The following UBE4B variants were observed in gnomAD, a reference collection of about 807,000 sequenced individuals.
UBE4B encodes the protein ubiquitination factor E4B.
Under a neutral mutation model 148.1 loss-of-function variants are expected in UBE4B, and 27 were observed. The ratio of observed to expected loss-of-function variants is 0.18; its 90% CI spans 0.13 to 0.25. The LOEUF is 0.25. UBE4B is among the 10% of genes least tolerant of loss of function. The probability of loss-of-function intolerance (pLI) is 1.00; values close to 1 mark genes in which losing one functional copy is unlikely to be tolerated. For missense variants in UBE4B, 1,170 were observed against 1,662.4 expected, an observed-to-expected ratio of 0.70 and a Z score of 5.15; for synonymous variants, 596 against 619.3, an observed-to-expected ratio of 0.96 and a Z score of 0.56.
At chr1:10,155,064 G>GGAGAGAGAGAGA (rs112077178) in intron 21 of UBE4B, among the ~76,000 whole-genome samples, 41 of 149,214 alleles carry the variant, frequency 2.7e-4, no homozygotes, top group Non-Finnish European at 4.8e-4. Flanking sequence ...TGTGGCTTCA[G>GGAGAGAGAGAGA]GAGAGAGAGA....
chr1:10,077,181 GGT>G (rs1442307231), intron 2 of UBE4B, among the ~76,000 whole-genome samples: 1 of 152,184 alleles, frequency 6.6e-6, no homozygotes, highest in Non-Finnish European at 1.5e-5. Flanking sequence ...CCAAAGCCAA[GGT>G]GTTGGTAGGG....
chr1:10,110,941 A>G (rs1392090012), intron 7 of UBE4B, among the ~76,000 whole-genome samples: 1 of 151,686 alleles, frequency 6.6e-6, no homozygotes, highest in Non-Finnish European at 1.5e-5. Context: ...GGCTGCAGTG[A>G]GTCGTGATCA....
At chr1:10,096,737 A>G (rs571136954) in intron 3 of UBE4B, among the ~76,000 whole-genome samples, 1 of 152,012 alleles carries the variant, frequency 6.6e-6, no homozygotes, top group African/African-American at 2.4e-5. Context: ...AAGAAAAAGG[A>G]GAATTAAAAA....
intron 1 of UBE4B, among the ~76,000 whole-genome samples, chr1:10,064,938 A>G (rs1644359952): frequency 6.6e-6 from 1 of 151,780 alleles, no homozygotes; most frequent in South Asian, 2.1e-4. Context: ...TAATTTTTGT[A>G]TTTTTGATAG....
At chr1:10,173,507 A>G (rs1646369385) in intron 25 of UBE4B, among the ~76,000 whole-genome samples, 1 of 151,638 alleles carries the variant, frequency 6.6e-6, no homozygotes, top group African/African-American at 2.4e-5. Flanking sequence ...ATATATATAT[A>G]TACACACACA....
intron 17 of UBE4B, among the ~76,000 whole-genome samples, chr1:10,142,164 G>A (rs1029690825): frequency 4.6e-5 from 7 of 151,976 alleles, no homozygotes; most frequent in African/African-American, 1.7e-4. Flanking sequence ...GGCTACCAGT[G>A]TTCCATCCTC....
intron 25 of UBE4B, among the ~76,000 whole-genome samples, chr1:10,176,500 T>C (rs1010568186): frequency 2.0e-5 from 3 of 152,326 alleles, no homozygotes; most frequent in South Asian, 2.1e-4. Context: ...TCATTTTTTT[T>C]CTTTGGTTTA....
chr1:10,168,064 T>C lies in UBE4B; in HGVS notation c.3199-72T>C. ...TTGGGTTTATCACGCACTTTCCAGT[T>C]ATGTGCTTGGCGCTTTGCTGAGCTG... On this transcript the variant is annotated intron_variant, in intron 23 of 27. Coordinates refer to ENST00000343090, the MANE Select transcript of UBE4B (RefSeq NM_001105562.3). This position sits in a 1 kb window ranked among gnomAD's most constrained non-coding sequence, Gnocchi z 4.9. 1 of 1,529,408 alleles carries C rather than the reference T, an allele frequency of 6.5e-7. No homozygotes were observed. The highest frequency in any genetic ancestry group is 8.8e-7 in the Non-Finnish European group (1 of 1,135,442). The allele number at this position is 1,529,408 out of a possible 1,614,324, so 94.7% of individuals were successfully genotyped here.
At chr1:10,159,489 G>C (rs1201705594) in intron 22 of UBE4B, among the ~76,000 whole-genome samples, 2 of 152,174 alleles carry the variant, frequency 1.3e-5, no homozygotes, top group Non-Finnish European at 2.9e-5. Flanking sequence ...TGGCTAACAT[G>C]GTGAAACCCC....
At position 10,168,171 on chromosome 1, in the gene UBE4B, G is replaced by A. The variant is rs1646283530; in HGVS notation, c.3234G>A (p.Gln1078=). 6.2e-7 allele frequency: 1 copy of A among 1,614,144 alleles called. No individual in the cohort carries two copies. The highest frequency in any genetic ancestry group is 8.5e-7 in the Non-Finnish European group (1 of 1,180,046). The change falls in exon 24 of 28, where the codon CAG becomes CAA. Residue 1078 remains glutamine (Q), a synonymous_variant. Transcript: ENST00000343090. This position sits in a 1 kb window ranked among gnomAD's most constrained non-coding sequence, Gnocchi z 4.9. ...QQQARQSQLA[Q]DERVSRSYLA... ...AGGCTCGTCAGTCTCAGCTTGCTCA[G>A]GATGAGCGTGTGTCCCGCTCTTACC...
chr1:10,089,092 T>G (rs1212100498), intron 2 of UBE4B, among the ~76,000 whole-genome samples: 1 of 152,152 alleles, frequency 6.6e-6, no homozygotes, highest in Non-Finnish European at 1.5e-5. Flanking sequence ...CTGCAACCTC[T>G]GCCTCCCAGG....
At chr1:10,097,510 A>G (rs1222725228) in intron 3 of UBE4B, among the ~76,000 whole-genome samples, 4 of 152,094 alleles carry the variant, frequency 2.6e-5, no homozygotes, top group Non-Finnish European at 4.4e-5. Flanking sequence ...CATTTGAAAG[A>G]TATTATTTTA....
chr1:10,078,482 C>G (rs1011098908), intron 2 of UBE4B, among the ~76,000 whole-genome samples: 1 of 152,020 alleles, frequency 6.6e-6, no homozygotes, highest in Non-Finnish European at 1.5e-5. Flanking sequence ...TTATTAAATT[C>G]TTTGGAGGAC....
intron 25 of UBE4B, among the ~76,000 whole-genome samples, chr1:10,174,592 C>A (rs1344004010): frequency 6.7e-6 from 1 of 150,098 alleles, no homozygotes; most frequent in African/African-American, 2.5e-5. Context: ...ATCCCAGCTA[C>A]TCGGGAGGCT....
chr1:10,057,338 A>G (rs1485167336), intron 1 of UBE4B, among the ~76,000 whole-genome samples: 1 of 151,882 alleles, frequency 6.6e-6, no homozygotes. Flanking sequence ...TAAAAAAGAT[A>G]TAATTACTGC....
chr1:10,117,260 C>T (rs1645328057), intron 7 of UBE4B, among the ~76,000 whole-genome samples, 199 bp from the exon 8 acceptor site: 1 of 152,122 alleles, frequency 6.6e-6, no homozygotes. Flanking sequence ...CTTCTTAGGT[C>T]CCTGAAATGT....
At chr1:10,053,395 CGCCTCA>C (rs1644092663) in intron 1 of UBE4B, among the ~76,000 whole-genome samples, 1 of 152,026 alleles carries the variant, frequency 6.6e-6, no homozygotes, top group Admixed American at 6.6e-5. Flanking sequence ...GTGATCCACC[CGCCTCA>C]GCCTCCCAAA....
intron 1 of UBE4B, among the ~76,000 whole-genome samples, chr1:10,068,442 C>T (rs1030823307): frequency 6.6e-6 from 1 of 151,156 alleles, no homozygotes; most frequent in East Asian, 2.0e-4. Flanking sequence ...CTCCTCCTCC[C>T]GGGTTGAAGT....
At chr1:10,075,904 C>T (rs374781344) in intron 2 of UBE4B, among the ~76,000 whole-genome samples, 3 of 151,938 alleles carry the variant, frequency 2.0e-5, no homozygotes, top group Non-Finnish European at 4.4e-5. Flanking sequence ...ATTAGCGGGG[C>T]GTGATGGTGC....
Sources: allele counts gnomAD v4.1 joint callset (sites outside exome capture counted in the v4.1 genomes callset), GRCh38; gene constraint gnomAD v4.1.1; non-coding constraint Gnocchi (gnomAD v3.1); transcripts MANE v1.5; gene names NCBI Gene and HGNC (gene_info 2026-07-23, HGNC 2026-07-21).